The following FBN2 variants were observed in gnomAD, a reference collection of about 807,000 sequenced individuals.
FBN2 encodes the protein fibrillin-2.
In FBN2, 105 loss-of-function variants were observed where a neutral mutation model predicts 355.6. That is an observed-to-expected ratio of 0.30 (90% CI 0.25 to 0.35). FBN2 has a LOEUF of 0.35. FBN2 is among the 10% of genes least tolerant of loss of function. FBN2 has a pLI of 1.00. For missense variants in FBN2, 3,280 were observed against 3,758.7 expected, an observed-to-expected ratio of 0.87 and a Z score of 3.33; for synonymous variants, 1,350 against 1,301.2, an observed-to-expected ratio of 1.04 and a Z score of -0.81.
At chr5:128,459,512 A>T (rs1247107219) in intron 6 of FBN2, among the ~76,000 whole-genome samples, 1 of 151,244 alleles carries the variant, frequency 6.6e-6, no homozygotes, top group Non-Finnish European at 1.5e-5. Context: ...CAACAACAAA[A>T]AACTTGCTAA....
chr5:128,326,127 G>A (rs1304101908), intron 34 of FBN2, among the ~76,000 whole-genome samples: 3 of 152,160 alleles, frequency 2.0e-5, no homozygotes, highest in Non-Finnish European at 4.4e-5. Context: ...TTTTCAGCTT[G>A]TATAGACACT....
At chr5:128,479,941 T>G (rs1203350876) in intron 5 of FBN2, among the ~76,000 whole-genome samples, 2 of 35,352 alleles carry the variant, frequency 5.7e-5, no homozygotes, top group Non-Finnish European at 1.2e-4. Context: ...TCTCTCTCTC[T>G]CTCTCTCTCT....
rs540095196 is a variant in FBN2 at position 128,301,344 on chromosome 5, A to AT, written c.6046+37dup. ...GGCACATATCATCATTTTACAAAACATAACACCACAAAGACTGCTTATTAT... is the reference window on the plus strand; with the variant it reads ...GGCACATATCATCATTTTACAAAACATTAACACCACAAAGACTGCTTATTAT... On this transcript the variant is annotated intron_variant, in intron 47 of 64. Coordinates refer to ENST00000262464, the MANE Select transcript of FBN2 (RefSeq NM_001999.4). The AT allele has an allele frequency of 4.6e-4, 725 of 1,588,802 alleles. 1 individual carries two copies. The highest frequency in any genetic ancestry group is 1.7e-3 in the Admixed American group (104 of 59,928).
At chr5:128,263,321 G>T in intron 63 of FBN2, 104 bp downstream of exon 63, 2 of 843,302 alleles carry the variant, frequency 2.4e-6, no homozygotes, top group Non-Finnish European at 4.1e-6. Context: ...ATGCTTTTGC[G>T]GTTTGGCTTT....
At chr5:128,351,925 A>T (rs907258672) in intron 20 of FBN2, among the ~76,000 whole-genome samples, 9 of 152,028 alleles carry the variant, frequency 5.9e-5, no homozygotes, top group African/African-American at 2.2e-4. Flanking sequence ...CACTTGTGTG[A>T]AAAGTATTCA....
chr5:128,380,397 A>G (rs1299510095), intron 11 of FBN2, among the ~76,000 whole-genome samples: 2 of 152,110 alleles, frequency 1.3e-5, no homozygotes, highest in African/African-American at 2.4e-5. Flanking sequence ...GAAGAACATG[A>G]GAAACCACGC....
chr5:128,524,685 C>T (rs17615714), intron 4 of FBN2, among the ~76,000 whole-genome samples: 35 of 152,244 alleles, frequency 2.3e-4, no homozygotes, highest in African/African-American at 5.8e-4. Flanking sequence ...CTATATAAGA[C>T]GACTTGGAAA....
At position 128,378,908 on chromosome 5, in the gene FBN2, A is replaced by G. The variant is rs760785409; in HGVS notation, c.1604-18T>C. 4.3e-6 allele frequency: 7 copies of G among 1,612,752 alleles called. No homozygotes were observed. The highest frequency in any genetic ancestry group is 5.9e-6 in the Non-Finnish European group (7 of 1,179,002). ...ATCAACATCTGTGAGCAGCAAAAGAAACCATTATAGACTTCACTCCATTTG... is the reference window on the plus strand; with the variant it reads ...ATCAACATCTGTGAGCAGCAAAAGAGACCATTATAGACTTCACTCCATTTG... On this transcript the variant is annotated intron_variant, in intron 11 of 64. Coordinates refer to ENST00000262464, the MANE Select transcript of FBN2 (RefSeq NM_001999.4).
intron 7 of FBN2, among the ~76,000 whole-genome samples, chr5:128,415,598 GT>G (rs1228498352): frequency 6.6e-6 from 1 of 151,930 alleles, no homozygotes; most frequent in Non-Finnish European, 1.5e-5. Context: ...TTTTAATCCA[GT>G]CATCCAGTGA....
intron 62 of FBN2, among the ~76,000 whole-genome samples, chr5:128,266,364 C>T (rs1211973984): frequency 6.6e-6 from 1 of 152,182 alleles, no homozygotes; most frequent in Non-Finnish European, 1.5e-5. Flanking sequence ...GTTTTGGACT[C>T]ATCTTAAACC....
At chr5:128,479,850 C>A (rs573327631) in intron 5 of FBN2, among the ~76,000 whole-genome samples, 1 of 149,376 alleles carries the variant, frequency 6.7e-6, no homozygotes. Flanking sequence ...TTGCTTGAGG[C>A]GAGAAGTTCA....
At chr5:128,395,332 A>T in intron 8 of FBN2, 58 bp from the exon 9 acceptor site, 1 of 1,582,944 alleles carries the variant, frequency 6.3e-7, no homozygotes, top group Admixed American at 1.7e-5. Flanking sequence ...TTCTTACAAC[A>T]ATCACTGTAC....
intron 17 of FBN2, among the ~76,000 whole-genome samples, chr5:128,365,704 T>G (rs975402378): frequency 6.7e-6 from 1 of 150,196 alleles, no homozygotes; most frequent in Non-Finnish European, 1.5e-5. Flanking sequence ...TATATACATA[T>G]TCATATATAT....
In FBN2 at chr5:128,433,614, G is replaced by A. The variant is rs116472764; in HGVS notation, c.952+12867C>T. On this transcript the variant is annotated intron_variant, in intron 7 of 64. Coordinates refer to ENST00000262464, the MANE Select transcript of FBN2 (RefSeq NM_001999.4). ...GATGAAACCTATAGCTGAAGAATAT[G>A]TTTACGCTTCAGATTAGCATCAGCT... 6.4e-3 allele frequency among the ~76,000 whole-genome samples: 977 copies of A among 152,276 alleles called. 10 individuals carry two copies. The highest frequency in any genetic ancestry group is 0.022 in the African/African-American group (934 of 41,556).
chr5:128,534,406 T>C (rs1180934927), intron 2 of FBN2, among the ~76,000 whole-genome samples: 3 of 152,236 alleles, frequency 2.0e-5, no homozygotes, highest in Non-Finnish European at 4.4e-5. Flanking sequence ...TAGCATTAAA[T>C]GAGACTCATG....
rs746241567 is a variant in FBN2 at position 128,280,250 on chromosome 5, G to A, written c.7080C>T (p.Ser2360=). 1 of 1,611,196 alleles carries A rather than the reference G, an allele frequency of 6.2e-7. No individual in the cohort carries two copies. Among genetic ancestry groups the A allele is most frequent in the South Asian group, 1.1e-5 (1 of 91,016 alleles). The change falls in exon 56 of 65, where the codon AGC becomes AGT. Residue 2360 remains serine, a synonymous_variant. Transcript: ENST00000262464. ...ATCCTTCATTACACTCACATCTATA[G>A]CTTCCAATAATGTTAACACAACGTC... ...ENGRCVNIIG[S]YRCECNEGFQ...
In FBN2 at chr5:128,318,869, C is replaced by T. The variant is rs1158577566; in HGVS notation, c.4594+10G>A. 1 of 1,610,672 alleles carries T rather than the reference C, an allele frequency of 6.2e-7. No homozygotes were observed. Among genetic ancestry groups the T allele is most frequent in the Non-Finnish European group, 8.5e-7 (1 of 1,177,506 alleles). On this transcript the variant is annotated intron_variant, in intron 35 of 64. Transcript: ENST00000262464. ...AATCAGAACACAACTTAGCTGGTAA[C>T]TGACCATACCTGTACAGTTCCCTCC...
chr5:128,320,242 G>A (rs565920564), intron 34 of FBN2, among the ~76,000 whole-genome samples: 1 of 150,516 alleles, frequency 6.6e-6, no homozygotes, highest in Non-Finnish European at 1.5e-5. Context: ...TTTCAGACAG[G>A]TTCTTGCTCT....
At chr5:128,411,502 T>C (rs1375586167) in intron 7 of FBN2, among the ~76,000 whole-genome samples, 1 of 152,184 alleles carries the variant, frequency 6.6e-6, no homozygotes, top group Non-Finnish European at 1.5e-5. Context: ...GGAACTCCTC[T>C]CTGACCGTCC....
Sources: gnomAD v4.1 joint callset for allele counts (sites outside exome capture counted in the v4.1 genomes callset) on GRCh38, gnomAD v4.1.1 for gene constraint, MANE v1.5 for transcripts, NCBI Gene and HGNC (gene_info 2026-07-23, HGNC 2026-07-21) for gene names.